BAHCC1: variants seen among roughly 807,000 people sequenced by gnomAD.
BAHCC1 encodes the protein BAH domain and coiled-coil containing 1.
In BAHCC1, 43 loss-of-function variants were observed where a neutral mutation model predicts 88.2. The observed-to-expected ratio is 0.49, with a 90% CI of 0.38 to 0.63. The LOEUF is 0.63. BAHCC1 is among the 20% of genes least tolerant of loss of function. The pLI is 0.00. For synonymous variants in BAHCC1, 1,510 were observed against 745.5 expected (o/e 2.03, Z -16.71); for missense variants, 3,023 against 1,654.8 (o/e 1.83, Z -14.34).
chr17:81,457,232 G>A (rs2064766068), intron 16 of BAHCC1, among the ~76,000 whole-genome samples, 178 bp from the exon 17 acceptor site: 1 of 152,108 alleles, frequency 6.6e-6, no homozygotes, highest in South Asian at 2.1e-4. Context: ...CTTCAGGCTG[G>A]AGGCCAGGAC....
intron 14 of BAHCC1, among the ~76,000 whole-genome samples, chr17:81,453,180 G>A (rs1021026416): frequency 3.9e-5 from 6 of 152,218 alleles, no homozygotes; most frequent in Non-Finnish European, 5.9e-5. Context: ...AGTGTGAGGC[G>A]GTGTTGCGTG....
At chr17:81,413,547 T>A (rs1567999333) in intron 2 of BAHCC1, among the ~76,000 whole-genome samples, 1 of 152,208 alleles carries the variant, frequency 6.6e-6, no homozygotes, top group Non-Finnish European at 1.5e-5. Flanking sequence ...GCCAGGGCAG[T>A]GCTGTCCACG....
intron 17 of BAHCC1, 75 bp downstream of exon 17, chr17:81,457,667 G>A: frequency 3.1e-6 from 2 of 637,106 alleles, no homozygotes; most frequent in Admixed American, 4.9e-5. Context: ...CCAGGAGGGA[G>A]GGCAGGGGTT....
At chr17:81,457,065 G>A (rs565995401) in intron 16 of BAHCC1, among the ~76,000 whole-genome samples, 1 of 152,214 alleles carries the variant, frequency 6.6e-6, no homozygotes, top group East Asian at 1.9e-4. Context: ...AGGGAGGGCC[G>A]CTTGGGGCTG....
Position 81,399,176 on chromosome 17 carries a change from A to G in BAHCC1, c.-206-358A>G. 2.4e-6 allele frequency: 1 copy of G among 413,284 alleles called. No individual in the cohort carries two copies. The highest frequency in any genetic ancestry group is 4.9e-6 in the Non-Finnish European group (1 of 205,732). 25.6% of individuals were successfully genotyped at this position (413,284 alleles called of 1,614,324 possible). A position where few individuals can be genotyped will look rare whatever the true frequency, so the allele number is the denominator to read the frequency against. ...GTGCGAGTGTGCGTGATGGCTTCGC[A>G]GATTTGGGTTTTTATCACCCAGCAG... is the stretch of plus-strand genomic sequence containing the variant. On this transcript the variant is annotated intron_variant, in intron 1 of 27. Coordinates refer to ENST00000675386, the MANE Select transcript of BAHCC1 (RefSeq NM_001377448.1). This position sits in a 1 kb window ranked among gnomAD's most constrained non-coding sequence, Gnocchi z 4.5.
At chr17:81,415,440 G>C (rs2064007838) in intron 2 of BAHCC1, 1 of 445,252 alleles carries the variant, frequency 2.2e-6, no homozygotes, top group Non-Finnish European at 4.5e-6. Context: ...CCCCTGGAAG[G>C]GTAACGCGAG....
chr17:81,441,888 A>C lies in BAHCC1; in HGVS notation c.539A>C (p.Asn180Thr). The change falls in exon 5 of 28, where the codon AAC (asparagine) becomes ACC (threonine). Residue 180 changes from asparagine to threonine, a missense_variant. Asn to Thr is a moderately conservative substitution (Grantham distance 65). Transcript: ENST00000675386. ...CCCACGCTGCTGCCGGCCAACCACA[A>C]CTTCCCCAGCGTGGCCCGGGCCGCC... Reference protein sequence around the residue: ...PQPTLLPANHNFPSVARAAPA... With the variant: ...PQPTLLPANHTFPSVARAAPA... 1 of 673,094 alleles carries C rather than the reference A, an allele frequency of 1.5e-6. No homozygotes were observed. The highest frequency in any genetic ancestry group is 2.3e-5 in the Admixed American group (1 of 43,872). The allele number at this position is 673,094 out of a possible 1,614,324, so 41.7% of individuals were successfully genotyped here.
At position 81,399,944 on chromosome 17, in the gene BAHCC1, G is replaced by A; in HGVS notation, c.178+27G>A. On this transcript the variant is annotated intron_variant, in intron 2 of 27. Transcript: ENST00000675386. This position sits in a 1 kb window ranked among gnomAD's most constrained non-coding sequence, Gnocchi z 4.5. ...TCAGTGCTCGGCCGGGGCGGGCGCGGGACGGGAGCGTTCGAGAGCGGAACA... is the reference window on the plus strand; with the variant it reads ...TCAGTGCTCGGCCGGGGCGGGCGCGAGACGGGAGCGTTCGAGAGCGGAACA... 1.5e-6 allele frequency: 2 copies of A among 1,323,022 alleles called. No individual in the cohort carries two copies. Among genetic ancestry groups the A allele is most frequent in the Non-Finnish European group, 1.9e-6 (2 of 1,033,568 alleles). 82.0% of individuals were successfully genotyped at this position (1,323,022 alleles called of 1,614,324 possible).
rs1428700495 is a variant in BAHCC1 at position 81,432,888 on chromosome 17, CCCCCCATCCCCAGGCCCACCCTT to C, written c.359-5476_359-5454del. 5.0e-3 allele frequency among the ~76,000 whole-genome samples: 63 copies of C among 12,546 alleles called. 2 individuals are homozygous for C. Among genetic ancestry groups the C allele is most frequent in the African/African-American group, 0.041 (59 of 1,442 alleles). The allele number at this position is 12,546 out of a possible 152,430, so 8.2% of individuals were successfully genotyped here. A position where few individuals can be genotyped will look rare whatever the true frequency, so the allele number is the denominator to read the frequency against. ...CCCCCCATCCCCAGGCCCAACCTCCCCCCCCATCCCCAGGCCCACCCTTCCCCCCATCCCCAGGAAGGCTGCGC... is the reference window on the plus strand; with the variant it reads ...CCCCCCATCCCCAGGCCCAACCTCCCCCCCCCATCCCCAGGAAGGCTGCGC... On this transcript the variant is annotated intron_variant, in intron 3 of 27. Transcript: ENST00000675386.
intron 2 of BAHCC1, chr17:81,421,954 C>T (rs2064121179): frequency 2.3e-6 from 1 of 428,418 alleles, no homozygotes; most frequent in African/African-American, 2.1e-5. Flanking sequence ...GAAGTGGTCC[C>T]AGAACGCTCA....
intron 13 of BAHCC1, 110 bp downstream of exon 13, chr17:81,452,217 C>T: frequency 2.0e-6 from 1 of 512,416 alleles, no homozygotes; most frequent in Non-Finnish European, 3.4e-6. Flanking sequence ...GGGCTCTGCC[C>T]CCTACCTGTG....
rs1555653909 is a variant in BAHCC1, at chr17:81,444,975, C to T, written c.2672-40C>T. On this transcript the variant is annotated intron_variant, in intron 8 of 27. Coordinates refer to ENST00000675386, the MANE Select transcript of BAHCC1 (RefSeq NM_001377448.1). Reference sequence around the variant, plus strand: ...GGGGAAGCAGCCCCGGAGCTGTCCCCTCCCCAGCCAGGCTGACCCCTCCTG... The same window carrying T: ...GGGGAAGCAGCCCCGGAGCTGTCCCTTCCCCAGCCAGGCTGACCCCTCCTG... The T allele has an allele frequency of 9.9e-6, 7 of 708,222 alleles. No individual in the cohort carries two copies. The East Asian group carries it at 1.6e-4, about 16-fold the overall frequency. The allele number at this position is 708,222 out of a possible 1,614,324, so 43.9% of individuals were successfully genotyped here.
chr17:81,436,904 C>T (rs1318812301), intron 3 of BAHCC1, among the ~76,000 whole-genome samples: 1 of 152,218 alleles, frequency 6.6e-6, no homozygotes, highest in Non-Finnish European at 1.5e-5. Context: ...TCACGCCCTA[C>T]ACGACTCCAA....
chr17:81,411,199 C>T lies in BAHCC1; in HGVS notation c.178+11282C>T. The T allele has an allele frequency of 1.9e-6, 1 of 517,604 alleles. No homozygotes were observed. The highest frequency in any genetic ancestry group is 3.9e-6 in the Non-Finnish European group (1 of 259,658). 32.1% of individuals were successfully genotyped at this position (517,604 alleles called of 1,614,324 possible). ...CCCAGGCTGAGGCCGAGGGTCTGCG[C>T]CACCTGGGCATGCCCAGTGGGGCCC... On this transcript the variant is annotated intron_variant, in intron 2 of 27. Coordinates refer to ENST00000675386, the MANE Select transcript of BAHCC1 (RefSeq NM_001377448.1). This position sits in a 1 kb window ranked among gnomAD's most constrained non-coding sequence, Gnocchi z 6.2.
chr17:81,431,180 C>T (rs904915210), intron 3 of BAHCC1, among the ~76,000 whole-genome samples: 4 of 152,122 alleles, frequency 2.6e-5, no homozygotes, highest in African/African-American at 9.7e-5. Flanking sequence ...CTATGATCCC[C>T]CCTCCGGAGG....
chr17:81,459,439 C>T (rs904761627), intron 22 of BAHCC1, 57 bp from the exon 23 acceptor site: 12 of 769,828 alleles, frequency 1.6e-5, no homozygotes, highest in Non-Finnish European at 2.4e-5. Context: ...ACCAGACTCT[C>T]AGGCAGCCCT....
chr17:81,458,469 G>A lies in BAHCC1; in HGVS notation c.5343+3G>A, dbSNP rs1555658085. On this transcript the variant is annotated splice_donor_region_variant and intron_variant, in intron 18 of 27. Transcript: ENST00000675386. ...CAGTGCTGCAGCCAGTGCTGCGGGT[G>A]AGGCTGGGCTCTGGGGTGCTGGGCG... is the stretch of plus-strand genomic sequence containing the variant. The A allele has an allele frequency of 2.8e-6, 2 of 705,152 alleles. No homozygotes were observed. Among genetic ancestry groups the A allele is most frequent in the African/African-American group, 1.7e-5 (1 of 57,772 alleles). The allele number at this position is 705,152 out of a possible 1,614,324, so 43.7% of individuals were successfully genotyped here.
rs1321948576 is a variant in BAHCC1, at chr17:81,443,308, G to A, written c.1959G>A (p.Val653=). The part of the protein sequence containing the change: ...ALVVGQKAPL[V]GLGGLKASCI... Reference sequence around the variant, plus strand: ...TGGTGGGCCAGAAAGCACCCTTGGTGGGCCTGGGTGGCCTCAAGGCCAGCT... The same window carrying A: ...TGGTGGGCCAGAAAGCACCCTTGGTAGGCCTGGGTGGCCTCAAGGCCAGCT... The change falls in exon 5 of 28, where the codon GTG becomes GTA. Residue 653 remains valine, a synonymous_variant. Coordinates refer to ENST00000675386, the MANE Select transcript of BAHCC1 (RefSeq NM_001377448.1). 1.3e-6 allele frequency: 1 copy of A among 779,326 alleles called. No homozygotes were observed. Among genetic ancestry groups the A allele is most frequent in the Non-Finnish European group, 2.4e-6 (1 of 417,852 alleles). 48.3% of individuals were successfully genotyped at this position (779,326 alleles called of 1,614,324 possible).
intron 2 of BAHCC1, among the ~76,000 whole-genome samples, chr17:81,425,662 T>TCG (rs2143397896): frequency 2.0e-5 from 2 of 101,848 alleles, no homozygotes; most frequent in East Asian, 3.0e-4. Flanking sequence ...GGTGATGTGG[T>TCG]TGGTGGTGAT....
Sources: gnomAD v4.1 joint callset for allele counts (sites outside exome capture counted in the v4.1 genomes callset) on GRCh38, gnomAD v4.1.1 for gene constraint, Gnocchi (gnomAD v3.1) non-coding constraint, MANE v1.5 for transcripts, NCBI Gene and HGNC (gene_info 2026-07-23, HGNC 2026-07-21) for gene names.